The following PALB2 variants were observed in gnomAD, a reference collection of about 807,000 sequenced individuals.
PALB2 encodes partner and localizer of BRCA2, also known as mutant partner and localizer of BRCA2.
PALB2 carries 82 observed loss-of-function variants against 107.4 expected under a neutral mutation model. The observed-to-expected ratio is 0.76, with a 90% CI of 0.64 to 0.92. The LOEUF (loss-of-function observed/expected upper bound fraction) is 0.92. Ranked by LOEUF, PALB2 falls within the 40% of genes least tolerant of loss-of-function variation. The probability of loss-of-function intolerance (pLI) is 0.00; values close to 1 mark genes in which losing one functional copy is unlikely to be tolerated. For synonymous variants in PALB2, 489 were observed against 496.8 expected, an observed-to-expected ratio of 0.98 and a Z score of 0.21; for missense variants, 1,374 against 1,379.9, an observed-to-expected ratio of 1.00 and a Z score of 0.07.
intron 4 of PALB2, 50 bp from the exon 5 acceptor site, chr16:23,630,519 G>C (rs1966868510): frequency 7.1e-7 from 1 of 1,403,792 alleles, no homozygotes; most frequent in Non-Finnish European, 9.9e-7. Flanking sequence ...CAACAAAACA[G>C]ACAATCTGTT....
intron 4 of PALB2, among the ~76,000 whole-genome samples, chr16:23,631,186 G>A (rs1315252859): frequency 3.3e-5 from 5 of 149,762 alleles, no homozygotes; most frequent in African/African-American, 1.2e-4. Flanking sequence ...AGGCTGAGGT[G>A]GGAGAATGGC....
At chr16:23,634,614 C>T (rs1966936143) in intron 4 of PALB2, among the ~76,000 whole-genome samples, 1 of 151,960 alleles carries the variant, frequency 6.6e-6, no homozygotes, top group Admixed American at 6.6e-5. Context: ...CCAGCCTGGA[C>T]AACAGTGAGC....
At chr16:23,616,748 C>T (rs1391442484) in intron 10 of PALB2, among the ~76,000 whole-genome samples, 7 of 152,132 alleles carry the variant, frequency 4.6e-5, no homozygotes, top group African/African-American at 1.2e-4. Context: ...CACACTGGCC[C>T]CTCAGTGTTT....
chr16:23,638,254 C>T, intron 1 of PALB2, 125 bp from the exon 2 acceptor site: 2 of 784,320 alleles, frequency 2.5e-6, no homozygotes, highest in South Asian at 2.8e-5. Flanking sequence ...TAACAATCTA[C>T]TTTTGGTTCT....
chr16:23,607,170 T>A (rs899439763), intron 12 of PALB2: 1 of 152,314 alleles, frequency 6.6e-6, no homozygotes, highest in Non-Finnish European at 1.5e-5. Context: ...TCAAACTCAG[T>A]CAGATTTCAA....
chr16:23,603,416 G>A lies in PALB2; in HGVS notation c.*43C>T, dbSNP rs2142250131. 6.7e-7 allele frequency: 1 copy of A among 1,495,116 alleles called. No homozygotes were observed. The highest frequency in any genetic ancestry group is 9.3e-7 in the Non-Finnish European group (1 of 1,072,546). The allele number at this position is 1,495,116 out of a possible 1,614,324, so 92.6% of individuals were successfully genotyped here. ...TTTAAAACTCCAAAAAATACTAAGA[G>A]GCCCAATATATCCAGAAAATTGTGT... On this transcript the variant is annotated 3_prime_UTR_variant, in exon 13 of 13. Coordinates refer to ENST00000261584, the MANE Select transcript of PALB2 (RefSeq NM_024675.4).
chr16:23,616,506 T>A (rs1304882639), intron 10 of PALB2, among the ~76,000 whole-genome samples: 2 of 152,156 alleles, frequency 1.3e-5, no homozygotes, highest in Non-Finnish European at 2.9e-5. Flanking sequence ...CCCAAATCAC[T>A]TTGACCTTAT....
intron 5 of PALB2, 114 bp downstream of exon 5, chr16:23,629,526 C>A (rs1039859397): frequency 9.3e-7 from 1 of 1,070,324 alleles, no homozygotes; most frequent in Non-Finnish European, 1.4e-6. Context: ...CAAAGAAACA[C>A]GTCAAACCAT....
chr16:23,629,117 C>A, intron 6 of PALB2, 87 bp downstream of exon 6: 1 of 1,023,452 alleles, frequency 9.8e-7, no homozygotes, highest in Non-Finnish European at 1.5e-6. Flanking sequence ...TATTAAAGAA[C>A]AAGAAGCTAT....
intron 8 of PALB2, 24 bp from the exon 9 acceptor site, chr16:23,623,154 G>C (rs1172842046): frequency 6.2e-7 from 1 of 1,605,894 alleles, no homozygotes. Flanking sequence ...AAGGAAAAAT[G>C]GGGTGATGTG....
chr16:23,630,263 AGCAGGACTT>A lies in PALB2; in HGVS notation c.1882_1890del (p.Lys628_Cys630del), dbSNP rs587778583. 1.7e-5 allele frequency: 27 copies of A among 1,614,122 alleles called. No homozygotes were observed. Among genetic ancestry groups the A allele is most frequent in the Admixed American group, 8.3e-5 (5 of 60,014 alleles). ...TCAAAGGGCTCCACTGGTTTTTCTG[AGCAGGACTT>A]CACTTTTTCAAGCTTAAGAGGTCCA... On this transcript the variant is annotated inframe_deletion, in exon 5 of 13. Transcript: ENST00000261584.
At position 23,635,696 on chromosome 16, in the gene PALB2, T is replaced by C. The variant is rs1555461584; in HGVS notation, c.850A>G (p.Thr284Ala). The change falls in exon 4 of 13, where the codon ACT becomes GCT. Residue 284 changes from threonine to alanine, a missense_variant. Physicochemically the swap from Thr to Ala is moderately conservative, Grantham distance 58. Transcript: ENST00000261584. Reference protein sequence around the residue: ...TTHDLKNIRFTSPVSLEAQGK... With the variant: ...TTHDLKNIRFASPVSLEAQGK... ...TGTGCCTCCAAACTTACAGGTGAAG[T>C]AAATCTAATGTTTTTTAGGTCGTGA... is the stretch of plus-strand genomic sequence containing the variant. 2 of 1,614,202 alleles carry C rather than the reference T, an allele frequency of 1.2e-6. No homozygotes were observed. Among genetic ancestry groups the C allele is most frequent in the South Asian group, 2.2e-5 (2 of 91,088 alleles).
At position 23,635,183 on chromosome 16, in the gene PALB2, T is replaced by G; in HGVS notation, c.1363A>C (p.Asn455His). 6.2e-7 allele frequency: 1 copy of G among 1,614,196 alleles called. No individual in the cohort carries two copies. Reference protein sequence around the residue: ...KDASKNLNLSNEETDQSEIRM... With the variant: ...KDASKNLNLSHEETDQSEIRM... ...ATTTCACTTTGGTCAGTTTCCTCAT[T>G]GGAAAGGTTTAAATTTTTACTTGCA... Residue 455 changes from asparagine to histidine, a missense_variant, in exon 4 of 13, where the codon AAT becomes CAT. Coordinates refer to ENST00000261584, the MANE Select transcript of PALB2 (RefSeq NM_024675.4).
In PALB2 at chr16:23,607,908, G is replaced by GCTGAGAGT. The variant is rs1567206799; in HGVS notation, c.3298_3305dup (p.Ser1102ArgfsTer7). ...GAAGACAGTACAGCATCACACCCAC[G>GCTGAGAGT]CTGAGAGTCGTCTTAGGGTTAATCA... On this transcript the variant is annotated frameshift_variant, in exon 12 of 13. Transcript: ENST00000261584. LOFTEE classifies it high-confidence loss of function. 6.2e-7 allele frequency: 1 copy of GCTGAGAGT among 1,613,990 alleles called. No homozygotes were observed. Among genetic ancestry groups the GCTGAGAGT allele is most frequent in the South Asian group, 1.1e-5 (1 of 91,070 alleles).
rs876658773 is a variant in PALB2, at chr16:23,603,662, C to T, written c.3358G>A (p.Glu1120Lys). Residue 1120 changes from glutamate to lysine, a missense_variant, in exon 13 of 13, where the codon GAA (glutamate) becomes AAA (lysine). Coordinates refer to ENST00000261584, the MANE Select transcript of PALB2 (RefSeq NM_024675.4). The part of the protein sequence containing the change: ...LPPGQAGRFL[E>K]GDVKDHCAAA... The stretch of plus-strand genomic sequence containing the variant: ...GCACAGTGATCTTTCACGTCACCTT[C>T]CAGGAACCTGATAGCATACAAAGAA... 6.2e-7 allele frequency: 1 copy of T among 1,613,540 alleles called. No individual in the cohort carries two copies. Among genetic ancestry groups the T allele is most frequent in the Non-Finnish European group, 8.5e-7 (1 of 1,179,866 alleles).
intron 11 of PALB2, among the ~76,000 whole-genome samples, chr16:23,612,950 A>G (rs1347804978): frequency 6.7e-6 from 1 of 150,086 alleles, no homozygotes; most frequent in Admixed American, 6.6e-5. Flanking sequence ...GTGGGCTTTC[A>G]CCATATTGGT....
At chr16:23,631,669 C>A (rs1966879210) in intron 4 of PALB2, among the ~76,000 whole-genome samples, 1 of 152,156 alleles carries the variant, frequency 6.6e-6, no homozygotes, top group Non-Finnish European at 1.5e-5. Context: ...CGATTTATTT[C>A]ATTTTCCCTT....
At position 23,629,647 on chromosome 16, in the gene PALB2, A is replaced by G. The variant is rs1060502793; in HGVS notation, c.2507T>C (p.Val836Ala). 1 of 1,613,992 alleles carries G rather than the reference A, an allele frequency of 6.2e-7. No homozygotes were observed. The change falls in exon 5 of 13, where the codon GTC becomes GCC. Residue 836 changes from valine to alanine, a missense_variant. Val to Ala is a moderately conservative substitution (Grantham distance 64). Coordinates refer to ENST00000261584, the MANE Select transcript of PALB2 (RefSeq NM_024675.4). ...NTCQELHKHSVEQTETAELPA... is the reference protein window; with the variant it reads ...NTCQELHKHSAEQTETAELPA... ...AGAGGAAATGGATTGTACCTGTTCGACGGAATGTTTATGCAGCTCCTGGCA... is the reference window on the plus strand; with the variant it reads ...AGAGGAAATGGATTGTACCTGTTCGGCGGAATGTTTATGCAGCTCCTGGCA...
At chr16:23,604,269 G>A (rs1456245164) in intron 12 of PALB2, among the ~76,000 whole-genome samples, 2 of 152,136 alleles carry the variant, frequency 1.3e-5, no homozygotes, top group East Asian at 1.9e-4. Flanking sequence ...TTTAGACAAG[G>A]GCTCTGCAGT....
Sources: gnomAD v4.1 joint callset for allele counts (sites outside exome capture counted in the v4.1 genomes callset) on GRCh38, gnomAD v4.1.1 for gene constraint, MANE v1.5 for transcripts, NCBI Gene and HGNC (gene_info 2026-07-23, HGNC 2026-07-21) for gene names.